Variants in APOH observed in about 807,000 individuals in gnomAD.
APOH encodes beta-2-glycoprotein 1.
In APOH, 48 loss-of-function variants were observed where a neutral mutation model predicts 39.8. That is an observed-to-expected ratio of 1.21 (90% CI 0.96 to 1.54). The LOEUF (loss-of-function observed/expected upper bound fraction) is 1.54. Among genes scored for constraint, APOH ranks in the 40% most tolerant of loss-of-function variants. The pLI, the probability that APOH is intolerant of heterozygous loss-of-function variation, is 0.00. For synonymous variants in APOH, 153 were observed against 151.1 expected (o/e 1.01, Z -0.09); for missense variants, 415 against 421.2 (o/e 0.99, Z 0.13).
rs540733369 is a variant in APOH at position 66,218,454 on chromosome 17, G to A, written c.605-1487C>T. ...CTCCTGAGCAGCTGAGACTACAGGC[G>A]CACGCCACCACACCCAGCTAATTTT... is the stretch of plus-strand genomic sequence containing the variant. On this transcript the variant is annotated intron_variant, in intron 5 of 7. Coordinates refer to ENST00000205948, the MANE Select transcript of APOH (RefSeq NM_000042.3). 9.9e-5 allele frequency among the ~76,000 whole-genome samples: 15 copies of A among 152,026 alleles called. No individual in the cohort carries two copies. In the East Asian group the frequency reaches 2.7e-3, roughly 28 times the overall value.
intron 4 of APOH, among the ~76,000 whole-genome samples, chr17:66,222,556 C>T (rs1264571328): frequency 2.8e-5 from 4 of 140,442 alleles, no homozygotes; most frequent in African/African-American, 1.1e-4. Flanking sequence ...AATTGCTTTA[C>T]TTTCCACTTG....
intron 5 of APOH, among the ~76,000 whole-genome samples, chr17:66,220,119 T>G (rs1255635057): frequency 1.3e-5 from 2 of 152,194 alleles, no homozygotes; most frequent in East Asian, 3.9e-4. Context: ...AACCCAGTCT[T>G]AACCTTCATC....
chr17:66,223,552 G>T, intron 4 of APOH, 146 bp downstream of exon 4: 1 of 699,100 alleles, frequency 1.4e-6, no homozygotes. Context: ...ATCTTCTAGA[G>T]CAAGATACCA....
chr17:66,226,122 T>C lies in APOH; in HGVS notation c.244A>G (p.Arg82Gly). 6.2e-7 allele frequency: 1 copy of C among 1,604,074 alleles called. No individual in the cohort carries two copies. Among genetic ancestry groups the C allele is most frequent in the Non-Finnish European group, 8.5e-7 (1 of 1,175,678 alleles). Residue 82 changes from arginine (R) to glycine (G), a missense_variant and splice_region_variant, in exon 3 of 8, where the codon AGA becomes GGA. Physicochemically the swap from Arg to Gly is moderately radical, Grantham distance 125. Transcript: ENST00000205948. ...AAGATTCCAGCAAAAGGACATACTC[T>C]GGCTGTGATACAAAGATAAAAAATG... The part of the protein sequence containing the change: ...WPINTLKCTP[R>G]VCPFAGILEN...
chr17:66,212,339 G>A (rs2073341104), intron 7 of APOH, 151 bp from the exon 8 acceptor site: 2 of 620,160 alleles, frequency 3.2e-6, no homozygotes, highest in South Asian at 2.2e-5. Flanking sequence ...TTAAGTGATG[G>A]GAGAAAACAT....
chr17:66,228,481 A>T (rs543464450), intron 1 of APOH: 1 of 331,446 alleles, frequency 3.0e-6, no homozygotes, highest in Non-Finnish European at 5.6e-6. Context: ...GTATCAATCC[A>T]GTCCCTCCAG....
chr17:66,220,419 G>A, intron 5 of APOH, 135 bp downstream of exon 5: 1 of 802,868 alleles, frequency 1.2e-6, no homozygotes. Context: ...ACACTGCCTG[G>A]CACATGGTAG....
intron 2 of APOH, among the ~76,000 whole-genome samples, chr17:66,227,299 C>T (rs1438661162): frequency 2.0e-5 from 3 of 152,088 alleles, no homozygotes; most frequent in Non-Finnish European, 4.4e-5. Context: ...ACATGCATAA[C>T]TTTGACAAAG....
At chr17:66,226,250 A>G in intron 2 of APOH, 126 bp from the exon 3 acceptor site, 1 of 675,230 alleles carries the variant, frequency 1.5e-6, no homozygotes. Context: ...CTTTGGTTCA[A>G]TAACTTTACT....
chr17:66,217,055 C>A, intron 5 of APOH, 88 bp from the exon 6 acceptor site: 1 of 1,077,586 alleles, frequency 9.3e-7, no homozygotes, highest in Non-Finnish European at 1.3e-6. Context: ...TCTGTCACAC[C>A]ACTGAATCAC....
chr17:66,229,250 T>C (rs780287681), intron 1 of APOH, 66 bp downstream of exon 1: 5 of 1,331,726 alleles, frequency 3.8e-6, no homozygotes, highest in Non-Finnish European at 5.3e-6. Flanking sequence ...TTATCATTAT[T>C]GATCCCTGAC....
rs1354693557 is a variant in APOH, at chr17:66,212,197, G to A, written c.983-9C>T. On this transcript the variant is annotated splice_polypyrimidine_tract_variant and intron_variant, in intron 7 of 7. Transcript: ENST00000205948. Reference sequence around the variant, plus strand: ...AGCCAGAGAACTGTGTTCTGTTGGGGGAGAAAAAGATAAACATTCTAAGAG... The same window carrying A: ...AGCCAGAGAACTGTGTTCTGTTGGGAGAGAAAAAGATAAACATTCTAAGAG... 1 of 1,611,148 alleles carries A rather than the reference G, an allele frequency of 6.2e-7. No individual in the cohort carries two copies. Among genetic ancestry groups the A allele is most frequent in the Admixed American group, 1.7e-5 (1 of 59,952 alleles).
intron 6 of APOH, among the ~76,000 whole-genome samples, chr17:66,215,936 C>T (rs1481794338): frequency 1.3e-5 from 2 of 152,144 alleles, no homozygotes; most frequent in Non-Finnish European, 2.9e-5. Context: ...TCTTCAATGC[C>T]CACATGATCG....
In APOH at chr17:66,216,258, G is replaced by A. The variant is rs8178936; in HGVS notation, c.784+530C>T. Among the ~76,000 whole-genome samples, 1,476 of 151,950 alleles carry A rather than the reference G, an allele frequency of 9.7e-3. 28 individuals are homozygous for A. Among genetic ancestry groups the A allele is most frequent in the African/African-American group, 0.034 (1,403 of 41,424 alleles). On this transcript the variant is annotated intron_variant, in intron 6 of 7. Transcript: ENST00000205948. Reference sequence around the variant, plus strand: ...CTTCTCTACAGAGGCCGAGGCGGGCGGATCACCTGAGGTCAGGAGTTCGAA... The same window carrying A: ...CTTCTCTACAGAGGCCGAGGCGGGCAGATCACCTGAGGTCAGGAGTTCGAA...
At chr17:66,228,977 C>T (rs894599248) in intron 1 of APOH, among the ~76,000 whole-genome samples, 13 of 151,740 alleles carry the variant, frequency 8.6e-5, no homozygotes, top group Non-Finnish European at 1.3e-4. Flanking sequence ...GGATTACAGG[C>T]GCCTGCCATC....
chr17:66,229,336 T>A lies in APOH; in HGVS notation c.44A>T (p.His15Leu), dbSNP rs1223008992. 6.2e-7 allele frequency: 1 copy of A among 1,613,766 alleles called. No individual in the cohort carries two copies. Among genetic ancestry groups the A allele is most frequent in the African/African-American group, 1.3e-5 (1 of 74,938 alleles). Reference protein sequence around the residue: ...VLILFSSFLCHVAIAGRTCPK... With the variant: ...VLILFSSFLCLVAIAGRTCPK... Reference sequence around the variant, plus strand: ...CTTACTCCGTCCTGCAATAGCAACATGGCAGAGAAAACTCGAGAACAAGAT... The same window carrying A: ...CTTACTCCGTCCTGCAATAGCAACAAGGCAGAGAAAACTCGAGAACAAGAT... The change falls in exon 1 of 8, where the codon CAT (histidine) becomes CTT (leucine). Residue 15 changes from histidine (H) to leucine (L), a missense_variant. His to Leu is a moderately conservative substitution (Grantham distance 99). Around this residue, in one of 3 missense-constraint regions of APOH, gnomAD observed 288 missense variants for 284.9 expected, o/e 1.01. Transcript: ENST00000205948.
At chr17:66,219,340 G>A (rs2073383940) in intron 5 of APOH, among the ~76,000 whole-genome samples, 1 of 152,056 alleles carries the variant, frequency 6.6e-6, no homozygotes, top group Admixed American at 6.6e-5. Context: ...GGAAATAAAA[G>A]GGATCTTTCT....
At chr17:66,227,903 G>T in intron 2 of APOH, 117 bp downstream of exon 2, 2 of 1,065,466 alleles carry the variant, frequency 1.9e-6, no homozygotes, top group African/African-American at 1.6e-5. Context: ...TCTCCAACCT[G>T]GCTTTCTGCA....
chr17:66,215,758 G>A (rs1012086261), intron 6 of APOH, among the ~76,000 whole-genome samples: 8 of 152,142 alleles, frequency 5.3e-5, no homozygotes, highest in African/African-American at 1.9e-4. Flanking sequence ...GATGCCAGTT[G>A]GTGATGAATC....
Sources: gnomAD v4.1 joint callset for allele counts (sites outside exome capture counted in the v4.1 genomes callset) on GRCh38, gnomAD v4.1.1 for gene constraint, gnomAD v4.1.1 regional missense constraint, MANE v1.5 for transcripts, NCBI Gene and HGNC (gene_info 2026-07-23, HGNC 2026-07-21) for gene names.